TTPAL: variants seen among roughly 807,000 people sequenced by gnomAD.
The protein encoded by TTPAL is alpha tocopherol transfer protein like.
Under a neutral mutation model 28.7 loss-of-function variants are expected in TTPAL, and 21 were observed. That is an observed-to-expected ratio of 0.73 (90% CI 0.52 to 1.06). The LOEUF is 1.06. Ranked by LOEUF, TTPAL falls within the 50% of genes least tolerant of loss-of-function variation. The pLI, the probability that TTPAL is intolerant of heterozygous loss-of-function variation, is 0.00. For missense variants in TTPAL, 345 were observed against 425.5 expected, an observed-to-expected ratio of 0.81 and a Z score of 1.67; for synonymous variants, 169 against 171.9, an observed-to-expected ratio of 0.98 and a Z score of 0.13.
chr20:44,479,938 T>G lies in TTPAL; in HGVS notation c.-15-47T>G, dbSNP rs1183885929. 2.0e-6 allele frequency: 3 copies of G among 1,515,390 alleles called. No individual in the cohort carries two copies. In the African/African-American group the frequency reaches 4.1e-5, roughly 21 times the overall value. 93.9% of individuals were successfully genotyped at this position (1,515,390 alleles called of 1,614,324 possible). Reference sequence around the variant, plus strand: ...CCCCTACACTGTACTGCCCTAGGATTTGAAATAAGCACTTGTTAACTTTGC... The same window carrying G: ...CCCCTACACTGTACTGCCCTAGGATGTGAAATAAGCACTTGTTAACTTTGC... On this transcript the variant is annotated intron_variant, in intron 1 of 4. Coordinates refer to ENST00000262605, the MANE Select transcript of TTPAL (RefSeq NM_001039199.3).
intron 2 of TTPAL, 131 bp from the exon 3 acceptor site, chr20:44,484,206 A>G (rs2064131391): frequency 1.7e-6 from 1 of 583,350 alleles, no homozygotes. Context: ...TAACCTAAAT[A>G]AGAGTCATGG....
Position 44,492,507 on chromosome 20 carries a change from A to G in TTPAL, c.*2966A>G, listed in dbSNP as rs1374167316. 6.6e-6 allele frequency: 1 copy of G among 152,156 alleles called. No individual in the cohort carries two copies. The highest frequency in any genetic ancestry group is 2.4e-5 in the African/African-American group (1 of 41,364). 9.4% of individuals were successfully genotyped at this position (152,156 alleles called of 1,614,324 possible). On this transcript the variant is annotated 3_prime_UTR_variant, in exon 5 of 5. Coordinates refer to ENST00000262605, the MANE Select transcript of TTPAL (RefSeq NM_001039199.3). ...CTGAGTGATTCCATGATAGAGATCTATACTCCAAACTTTATTCCTGGTATC... is the reference window on the plus strand; with the variant it reads ...CTGAGTGATTCCATGATAGAGATCTGTACTCCAAACTTTATTCCTGGTATC...
At chr20:44,477,118 GTTTGT>G (rs1451452073) in intron 1 of TTPAL, among the ~76,000 whole-genome samples, 2 of 152,188 alleles carry the variant, frequency 1.3e-5, no homozygotes, top group African/African-American at 2.4e-5. Flanking sequence ...TGGGTTATTA[GTTTGT>G]TTTGACTGGC....
intron 1 of TTPAL, chr20:44,478,648 G>T (rs926801653): frequency 6.6e-6 from 1 of 152,178 alleles, no homozygotes; most frequent in African/African-American, 2.4e-5. Context: ...ATAACCATTG[G>T]TAAGTTTCTT....
chr20:44,488,166 A>G (rs950662972), intron 4 of TTPAL, among the ~76,000 whole-genome samples: 43 of 152,316 alleles, frequency 2.8e-4, no homozygotes, highest in African/African-American at 1.0e-3. Context: ...CTTTCCCTGA[A>G]GATTTTGATT....
Position 44,492,854 on chromosome 20 carries a change from T to G in TTPAL, c.*3313T>G, listed in dbSNP as rs751684394. On this transcript the variant is annotated 3_prime_UTR_variant, in exon 5 of 5. Transcript: ENST00000262605. ...TAACTTGCTCTTGGCAAAGGTCGCT[T>G]TATTTTTTAATTTTTTTCCTTGCAT... 20 of 152,378 alleles carry G rather than the reference T, an allele frequency of 1.3e-4. No individual in the cohort carries two copies. The highest frequency in any genetic ancestry group is 1.2e-3 in the Admixed American group (19 of 15,276). The allele number at this position is 152,378 out of a possible 1,614,324, so 9.4% of individuals were successfully genotyped here. A position where few individuals can be genotyped will look rare whatever the true frequency, so the allele number is the denominator to read the frequency against.
intron 2 of TTPAL, among the ~76,000 whole-genome samples, chr20:44,482,823 C>G (rs927044744): frequency 6.6e-6 from 1 of 152,002 alleles, no homozygotes; most frequent in Admixed American, 6.6e-5. Context: ...ATGTTCCATC[C>G]TTACAATACC....
intron 3 of TTPAL, among the ~76,000 whole-genome samples, chr20:44,485,198 A>G (rs1042090977): frequency 1.4e-4 from 22 of 151,822 alleles, no homozygotes; most frequent in African/African-American, 5.1e-4. Context: ...GACCTGAGGG[A>G]TATGGTGTTC....
rs10536269 is a variant in TTPAL, at chr20:44,494,546, GTAA to G, written c.*5010_*5012del. The G allele has an allele frequency of 0.17, 25,912 of 152,602 alleles. 2,793 individuals are homozygous for G. Among genetic ancestry groups the G allele is most frequent in the African/African-American group, 0.31 (12,978 of 41,396 alleles). 9.5% of individuals were successfully genotyped at this position (152,602 alleles called of 1,614,324 possible). On this transcript the variant is annotated 3_prime_UTR_variant, in exon 5 of 5. Transcript: ENST00000262605. ...TTCTAAGTCAAAGTGGTGAAAATATGTAATAATTTTAGTATGCATGACTCAGTC... is the reference window on the plus strand; with the variant it reads ...TTCTAAGTCAAAGTGGTGAAAATATGTAATTTTAGTATGCATGACTCAGTC...
rs1286704929 is a variant in TTPAL, at chr20:44,489,726, T to C, written c.*185T>C. 1.7e-6 allele frequency: 1 copy of C among 603,098 alleles called. No individual in the cohort carries two copies. The highest frequency in any genetic ancestry group is 2.8e-5 in the East Asian group (1 of 35,506). 37.4% of individuals were successfully genotyped at this position (603,098 alleles called of 1,614,324 possible). On this transcript the variant is annotated 3_prime_UTR_variant, in exon 5 of 5. Transcript: ENST00000262605. ...GCCTTTGGTTACTTTAATTACTCCA[T>C]GGAAGACATGGAAAATGTCCCCACT...
chr20:44,482,145 CAT>C (rs1366625201), intron 2 of TTPAL, among the ~76,000 whole-genome samples: 4 of 152,154 alleles, frequency 2.6e-5, no homozygotes, highest in African/African-American at 9.7e-5. Flanking sequence ...TCTTTTGAGA[CAT>C]GTGATTGAAA....
chr20:44,478,413 A>G lies in TTPAL; in HGVS notation c.-15-1572A>G, dbSNP rs73613498. ...ACTAAATCATTGGCTAGGAGCAGTG[A>G]GGCCACAGAAGGGCTGTGGAAAGTT... is the stretch of plus-strand genomic sequence containing the variant. On this transcript the variant is annotated intron_variant, in intron 1 of 4. Transcript: ENST00000262605. 6.3e-3 allele frequency among the ~76,000 whole-genome samples: 954 copies of G among 152,344 alleles called. 3 individuals are homozygous for G. The highest frequency in any genetic ancestry group is 0.042 in the East Asian group (218 of 5,172).
chr20:44,483,099 C>T (rs1351642958), intron 2 of TTPAL, among the ~76,000 whole-genome samples: 2 of 152,206 alleles, frequency 1.3e-5, no homozygotes, highest in Admixed American at 1.3e-4. Context: ...CTCCAATGAT[C>T]CACCCACCTT....
intron 4 of TTPAL, 52 bp from the exon 5 acceptor site, chr20:44,489,211 G>A (rs2064180121): frequency 7.7e-6 from 12 of 1,553,958 alleles, no homozygotes; most frequent in Admixed American, 1.8e-5. Context: ...GGAGATTTCT[G>A]CATTCCTGAT....
In TTPAL at chr20:44,489,349, G is replaced by C. The variant is rs1249149485; in HGVS notation, c.837G>C (p.Gly279=). Residue 279 remains glycine (G), a synonymous_variant, in exon 5 of 5, where the codon GGG becomes GGC. Transcript: ENST00000262605. ...ILPKEYGGTA[G]ELDTATWNAV... Reference sequence around the variant, plus strand: ...CCAAGGAGTATGGGGGCACGGCTGGGGAGCTGGACACTGCCACCTGGAACG... The same window carrying C: ...CCAAGGAGTATGGGGGCACGGCTGGCGAGCTGGACACTGCCACCTGGAACG... 5 of 1,614,050 alleles carry C rather than the reference G, an allele frequency of 3.1e-6. No individual in the cohort carries two copies. Among genetic ancestry groups the C allele is most frequent in the East Asian group, 2.2e-5 (1 of 44,896 alleles).
At chr20:44,477,056 A>C (rs1202792940) in intron 1 of TTPAL, among the ~76,000 whole-genome samples, 1 of 152,256 alleles carries the variant, frequency 6.6e-6, no homozygotes, top group Admixed American at 6.5e-5. Flanking sequence ...AAATTAGAAG[A>C]GGAAATTCCA....
At chr20:44,486,484 A>G (rs574531553) in intron 3 of TTPAL, 112 bp from the exon 4 acceptor site, 99 of 692,406 alleles carry the variant, frequency 1.4e-4, no homozygotes, top group Admixed American at 7.9e-4. Flanking sequence ...TGAGGAGGCC[A>G]TAAGGATCAG....
At chr20:44,486,767 T>C in intron 4 of TTPAL, 61 bp downstream of exon 4, 1 of 945,716 alleles carries the variant, frequency 1.1e-6, no homozygotes, top group Non-Finnish European at 1.6e-6. Flanking sequence ...ATTTGTGACA[T>C]CTGGTACTTG....
chr20:44,485,672 G>GCTCCTTTTGATGCCTCCTTTC (rs2064145127), intron 3 of TTPAL: 1 of 152,122 alleles, frequency 6.6e-6, no homozygotes, highest in African/African-American at 2.4e-5. Flanking sequence ...GCTTTCCTTC[G>GCTCCTTTTGATGCCTCCTTTC]CTGGCACTCC....
Sources: allele counts gnomAD v4.1 joint callset (sites outside exome capture counted in the v4.1 genomes callset), GRCh38; gene constraint gnomAD v4.1.1; transcripts MANE v1.5; gene names NCBI Gene and HGNC (gene_info 2026-07-23, HGNC 2026-07-21).